Variants in CSMD1 observed in about 807,000 individuals in gnomAD.
CSMD1 encodes CUB and sushi domain-containing protein 1.
CSMD1 carries 213 observed loss-of-function variants against 417.5 expected under a neutral mutation model. The observed-to-expected ratio is 0.51, with a 90% CI of 0.46 to 0.57. The LOEUF (loss-of-function observed/expected upper bound fraction) is 0.57, where lower values mean the gene tolerates loss of function less well. Ranked by LOEUF, CSMD1 falls within the 20% of genes least tolerant of loss-of-function variation. The pLI is 0.00. For synonymous variants in CSMD1, 2,862 were observed against 1,736.8 expected, an observed-to-expected ratio of 1.65 and a Z score of -16.11; for missense variants, 6,923 against 4,529.7, an observed-to-expected ratio of 1.53 and a Z score of -15.17.
At chr8:4,870,883 A>G (rs1802697455) in intron 1 of CSMD1, among the ~76,000 whole-genome samples, 3 of 152,110 alleles carry the variant, frequency 2.0e-5, no homozygotes, top group Admixed American at 2.0e-4. Context: ...TGATTGTGTC[A>G]CCTGGCCCTT....
chr8:2,945,724 T>C (rs1407791140), intron 68 of CSMD1, among the ~76,000 whole-genome samples: 1 of 152,156 alleles, frequency 6.6e-6, no homozygotes, highest in Non-Finnish European at 1.5e-5. Flanking sequence ...TGTTTTCCCC[T>C]GTCCCTCCTC....
intron 1 of CSMD1, among the ~76,000 whole-genome samples, chr8:4,905,786 C>G (rs190474454): frequency 8.4e-4 from 121 of 144,162 alleles, no homozygotes; most frequent in East Asian, 3.8e-3. Context: ...TGCCACTGCA[C>G]TCCAGCCTGG....
chr8:4,034,037 C>T (rs768599775), intron 3 of CSMD1, among the ~76,000 whole-genome samples: 1 of 152,102 alleles, frequency 6.6e-6, no homozygotes, highest in African/African-American at 2.4e-5. Context: ...TCCAATTGAA[C>T]AGAAACTATT....
intron 1 of CSMD1, among the ~76,000 whole-genome samples, chr8:4,656,997 A>G (rs1357574322): frequency 1.3e-5 from 2 of 152,270 alleles, no homozygotes; most frequent in East Asian, 1.9e-4. Context: ...ACGATCCTCA[A>G]AAACCACCGT....
At position 3,399,530 on chromosome 8, in the gene CSMD1, C is replaced by G; in HGVS notation, c.2267-1G>C. ...GCTGTCAGATGTCCACCACATGGAG[C>G]TAAAACAAGACGTAGAATATCTATT... On this transcript the variant is annotated splice_acceptor_variant, in intron 15 of 69. Coordinates refer to ENST00000635120, the MANE Select transcript of CSMD1 (RefSeq NM_033225.6). LOFTEE classifies it high-confidence loss of function. The G allele has an allele frequency of 6.3e-7, 1 of 1,582,052 alleles. No individual in the cohort carries two copies. The highest frequency in any genetic ancestry group is 8.6e-7 in the Non-Finnish European group (1 of 1,166,700).
chr8:3,241,032 G>C (rs1483669614), intron 26 of CSMD1, among the ~76,000 whole-genome samples: 1 of 149,416 alleles, frequency 6.7e-6, no homozygotes, highest in East Asian at 2.0e-4. Flanking sequence ...TCACCAAGGA[G>C]GGAGTAGAGG....
At chr8:4,007,593 T>C (rs532373548) in intron 4 of CSMD1, among the ~76,000 whole-genome samples, 1 of 152,302 alleles carries the variant, frequency 6.6e-6, no homozygotes, top group African/African-American at 2.4e-5. Context: ...TGCAAAGCAA[T>C]GGAATGCAAG....
intron 17 of CSMD1, among the ~76,000 whole-genome samples, chr8:3,391,805 T>G (rs1811366331): frequency 6.6e-6 from 1 of 152,210 alleles, no homozygotes; most frequent in South Asian, 2.1e-4. Context: ...TAGAGATCAT[T>G]GGCATGGGCC....
intron 1 of CSMD1, among the ~76,000 whole-genome samples, chr8:4,672,731 A>C (rs1291769608): frequency 1.3e-5 from 2 of 152,186 alleles, no homozygotes; most frequent in Non-Finnish European, 2.9e-5. Context: ...GACACAACAC[A>C]CGCACTCTCA....
chr8:3,098,196 A>T (rs1442280095), intron 46 of CSMD1, among the ~76,000 whole-genome samples: 1 of 152,210 alleles, frequency 6.6e-6, no homozygotes, highest in Non-Finnish European at 1.5e-5. Flanking sequence ...GTAGAGTGTT[A>T]AGAGTTCTAT....
chr8:4,181,400 G>C (rs565005896), intron 3 of CSMD1, among the ~76,000 whole-genome samples: 1 of 151,764 alleles, frequency 6.6e-6, no homozygotes, highest in East Asian at 1.9e-4. Flanking sequence ...TATAAGGCAG[G>C]GTTCTCCAAT....
intron 1 of CSMD1, among the ~76,000 whole-genome samples, chr8:4,694,444 C>G (rs531766314): frequency 4.1e-4 from 62 of 151,982 alleles, no homozygotes; most frequent in African/African-American, 1.5e-3. Context: ...CCCTGCCTCC[C>G]GGATTCAAGC....
At chr8:3,517,781 C>T (rs983532722) in intron 10 of CSMD1, among the ~76,000 whole-genome samples, 3 of 152,028 alleles carry the variant, frequency 2.0e-5, no homozygotes, top group Non-Finnish European at 4.4e-5. Context: ...AAATTTGTAA[C>T]AAAAAATAAC....
chr8:3,378,092 T>G (rs1461472245), intron 18 of CSMD1, among the ~76,000 whole-genome samples: 1 of 152,186 alleles, frequency 6.6e-6, no homozygotes, highest in East Asian at 1.9e-4. Flanking sequence ...TATTGAATAT[T>G]GGATGTGTTT....
At chr8:4,267,560 T>C (rs1227231761) in intron 3 of CSMD1, among the ~76,000 whole-genome samples, 5 of 151,912 alleles carry the variant, frequency 3.3e-5, no homozygotes, top group African/African-American at 9.7e-5. Context: ...GAAATAGCAA[T>C]GGTCACTGAC....
At chr8:4,088,724 G>A (rs926273911) in intron 3 of CSMD1, among the ~76,000 whole-genome samples, 8 of 152,032 alleles carry the variant, frequency 5.3e-5, no homozygotes, top group Admixed American at 4.6e-4. Context: ...AAGCTCTGCA[G>A]GGACTTCTCT....
At chr8:3,732,086 T>C (rs181024147) in intron 6 of CSMD1, among the ~76,000 whole-genome samples, 92 of 152,186 alleles carry the variant, frequency 6.0e-4, no homozygotes, top group Middle Eastern at 3.4e-3. Context: ...CCTAATAAAA[T>C]GGATGCCACC....
chr8:4,973,970 A>C (rs1810397425), intron 1 of CSMD1, among the ~76,000 whole-genome samples: 1 of 152,196 alleles, frequency 6.6e-6, no homozygotes, highest in Non-Finnish European at 1.5e-5. Context: ...TCACTTAATA[A>C]CAAGCCATCC....
intron 11 of CSMD1, among the ~76,000 whole-genome samples, chr8:3,491,928 G>A (rs943140129): frequency 6.6e-5 from 10 of 152,192 alleles, no homozygotes; most frequent in African/African-American, 2.2e-4. Context: ...CAGGGGACCT[G>A]AGGATCCGGA....
Sources: gnomAD v4.1 joint callset for allele counts (sites outside exome capture counted in the v4.1 genomes callset) on GRCh38, gnomAD v4.1.1 for gene constraint, MANE v1.5 for transcripts, NCBI Gene and HGNC (gene_info 2026-07-23, HGNC 2026-07-21) for gene names.